Variants in LARP4B observed in about 807,000 individuals in gnomAD.
The protein encoded by LARP4B is La ribonucleoprotein 4B, also known as la-related protein 4B.
A neutral mutation model predicts 89.8 loss-of-function variants in LARP4B; 12 were observed. The observed-to-expected ratio is 0.13, with a 90% CI of 0.09 to 0.22. LARP4B has a LOEUF of 0.22. Ranked by LOEUF, LARP4B falls within the 10% of genes least tolerant of loss-of-function variation. LARP4B has a pLI of 1.00. For missense variants in LARP4B, 757 were observed against 947.7 expected (o/e 0.80, Z 2.64); for synonymous variants, 367 against 363.3 (o/e 1.01, Z -0.12).
At chr10:879,022 A>G (rs1172331788) in intron 3 of LARP4B, among the ~76,000 whole-genome samples, 2 of 152,236 alleles carry the variant, frequency 1.3e-5, no homozygotes, top group Non-Finnish European at 2.9e-5. Flanking sequence ...CTTCCACAAC[A>G]AGAGAAGTTT....
intron 1 of LARP4B, among the ~76,000 whole-genome samples, chr10:922,080 C>T (rs995809907): frequency 6.6e-6 from 1 of 151,844 alleles, no homozygotes; most frequent in African/African-American, 2.4e-5. Flanking sequence ...GCGGAGGGGT[C>T]AGGGGGTGGG....
intron 5 of LARP4B, among the ~76,000 whole-genome samples, chr10:847,964 AG>A (rs1206219357): frequency 1.1e-4 from 16 of 152,222 alleles, no homozygotes; most frequent in Admixed American, 3.9e-4. Flanking sequence ...AGAATGCAGG[AG>A]ATAGGGAGGC....
chr10:825,151 G>C lies in LARP4B; in HGVS notation c.1398C>G (p.Asn466Lys). The change falls in exon 13 of 18, where the codon AAC (asparagine) becomes AAG (lysine). Residue 466 changes from asparagine (N) to lysine (K), a missense_variant. Asn to Lys is a moderately conservative substitution (Grantham distance 94, BLOSUM62 0). Coordinates refer to ENST00000316157, the MANE Select transcript of LARP4B (RefSeq NM_015155.3). ...QAGQTRTRIQ[N>K]PSAYAKREAG... ...CCTCTCTCTTGGCATATGCTGAAGG[G>C]TTTTGAATCCGTGTTCTAGTTTGAC... 6.2e-7 allele frequency: 1 copy of C among 1,614,216 alleles called. No individual in the cohort carries two copies. The highest frequency in any genetic ancestry group is 8.5e-7 in the Non-Finnish European group (1 of 1,180,046).
At chr10:851,113 T>C (rs1834024565) in intron 5 of LARP4B, among the ~76,000 whole-genome samples, 1 of 146,622 alleles carries the variant, frequency 6.8e-6, no homozygotes, top group Non-Finnish European at 1.5e-5. Flanking sequence ...ATTACAAACA[T>C]CAGAAGAAAG....
rs1831759065 is a variant in LARP4B, at chr10:812,061, C to CA, written c.*864dup. 6.6e-6 allele frequency: 1 copy of CA among 152,640 alleles called. No individual in the cohort carries two copies. The highest frequency in any genetic ancestry group is 1.5e-5 in the Non-Finnish European group (1 of 68,078). The allele number at this position is 152,640 out of a possible 1,614,324, so 9.5% of individuals were successfully genotyped here. A position where few individuals can be genotyped will look rare whatever the true frequency, so the allele number is the denominator to read the frequency against. On this transcript the variant is annotated 3_prime_UTR_variant, in exon 18 of 18. Coordinates refer to ENST00000316157, the MANE Select transcript of LARP4B (RefSeq NM_015155.3). Reference sequence around the variant, plus strand: ...CGGAGCTGAAGATGTGGACTCTCTCCAACCAGAGTGCTGGGGAACACGGAC... The same window carrying CA: ...CGGAGCTGAAGATGTGGACTCTCTCCAAACCAGAGTGCTGGGGAACACGGAC...
chr10:981,654 T>C, the LARP4B span, among the ~76,000 whole-genome samples: 1 of 152,184 alleles, frequency 6.6e-6, no homozygotes, highest in African/African-American at 2.4e-5. Flanking sequence ...CACCGCAACC[T>C]CTGCTACCCA....
intron 3 of LARP4B, among the ~76,000 whole-genome samples, chr10:884,012 T>C (rs1241319405): frequency 6.6e-6 from 1 of 152,238 alleles, no homozygotes; most frequent in Admixed American, 6.5e-5. Flanking sequence ...TAAAAACCAA[T>C]GAATTCTACT....
At chr10:954,797 G>C in the LARP4B span, among the ~76,000 whole-genome samples, 358 of 98,260 alleles carry the variant, frequency 3.6e-3, no homozygotes, top group African/African-American at 8.6e-3. The surrounding 1 kb of genome is among the most constrained non-coding windows in gnomAD (Gnocchi z 5.0). Flanking sequence ...TCCCATCCAC[G>C]CTTCCCCAGG....
intron 5 of LARP4B, among the ~76,000 whole-genome samples, chr10:851,794 G>A (rs937215335): frequency 6.6e-6 from 1 of 152,078 alleles, no homozygotes; most frequent in East Asian, 1.9e-4. Context: ...GTGGGACGCA[G>A]TGGCTCATGC....
intron 1 of LARP4B, among the ~76,000 whole-genome samples, chr10:918,513 AGT>A (rs1250042678): frequency 6.6e-6 from 1 of 151,742 alleles, no homozygotes; most frequent in Non-Finnish European, 1.5e-5. Context: ...ACGTGCCTGT[AGT>A]CCCAGCTACT....
rs554996338 is a variant in LARP4B at position 889,340 on chromosome 10, C to T, written c.-39-3580G>A. On this transcript the variant is annotated intron_variant, in intron 1 of 17. Transcript: ENST00000316157. Reference sequence around the variant, plus strand: ...CAAGGAGCAAGGTGGGAACCATCCCCGAGAGGACACCATCCCATCACAGGG... The same window carrying T: ...CAAGGAGCAAGGTGGGAACCATCCCTGAGAGGACACCATCCCATCACAGGG... Among the ~76,000 whole-genome samples, 12 of 152,234 alleles carry T rather than the reference C, an allele frequency of 7.9e-5. No homozygotes were observed. The South Asian group carries it at 2.3e-3, about 29-fold the overall frequency.
At chr10:888,396 T>C (rs555828424) in intron 1 of LARP4B, among the ~76,000 whole-genome samples, 2 of 150,080 alleles carry the variant, frequency 1.3e-5, no homozygotes, top group South Asian at 4.2e-4. Context: ...ACAAAGTTAA[T>C]AGGACTCCAG....
At chr10:959,050 C>T in the LARP4B span, among the ~76,000 whole-genome samples, 1 of 152,132 alleles carries the variant, frequency 6.6e-6, no homozygotes, top group Non-Finnish European at 1.5e-5. Context: ...GGCAACGGCC[C>T]TGGGCTGGTG....
the LARP4B span, among the ~76,000 whole-genome samples, chr10:950,129 AC>A: frequency 6.6e-6 from 1 of 151,934 alleles, no homozygotes; most frequent in Non-Finnish European, 1.5e-5. Context: ...TATTTGAGGC[AC>A]TAATCTGTGT....
chr10:845,211 T>C (rs1353720746), intron 5 of LARP4B, among the ~76,000 whole-genome samples, 156 bp from the exon 6 acceptor site: 3 of 152,098 alleles, frequency 2.0e-5, no homozygotes, highest in Admixed American at 1.3e-4. Flanking sequence ...ATCAAAAAAG[T>C]AAATCATGCA....
In LARP4B at chr10:822,196, G is replaced by A. The variant is rs1832386856; in HGVS notation, c.1485-1351C>T. The stretch of plus-strand genomic sequence containing the variant: ...ATGAGCAGAGCTAGGGATGCAACCA[G>A]ATGAGAGTCTTCAGTGGGACAGGAC... On this transcript the variant is annotated intron_variant, in intron 13 of 17. Coordinates refer to ENST00000316157, the MANE Select transcript of LARP4B (RefSeq NM_015155.3). The surrounding 1 kb of genome is among the most constrained non-coding windows in gnomAD (Gnocchi z 4.6). Among the ~76,000 whole-genome samples, 1 of 152,382 alleles carries A rather than the reference G, an allele frequency of 6.6e-6. No individual in the cohort carries two copies. The highest frequency in any genetic ancestry group is 1.5e-5 in the Non-Finnish European group (1 of 68,036).
At chr10:936,830 A>G in the LARP4B span, among the ~76,000 whole-genome samples, 2 of 152,158 alleles carry the variant, frequency 1.3e-5, no homozygotes, top group African/African-American at 4.8e-5. Context: ...TAGAAACACA[A>G]TAAGGAACTG....
At chr10:834,989 G>A (rs1424627353) in intron 8 of LARP4B, among the ~76,000 whole-genome samples, 7 of 149,400 alleles carry the variant, frequency 4.7e-5, no homozygotes, top group African/African-American at 7.4e-5. Flanking sequence ...GCAGTGAGCC[G>A]AGATCGTGCC....
At position 809,711 on chromosome 10, in the gene LARP4B, T is replaced by C. The variant is rs1831673387; in HGVS notation, c.*3215A>G. ...ACGAAACCCTCGAGGAGCGACCACA[T>C]GACCCCCGCGCTGTGAGCTGCTGGC... On this transcript the variant is annotated 3_prime_UTR_variant, in exon 18 of 18. Transcript: ENST00000316157. The C allele has an allele frequency of 6.5e-6, 1 of 152,686 alleles. No individual in the cohort carries two copies. Among genetic ancestry groups the C allele is most frequent in the Non-Finnish European group, 1.5e-5 (1 of 68,044 alleles). The allele number at this position is 152,686 out of a possible 1,614,324, so 9.5% of individuals were successfully genotyped here.
Sources: allele counts gnomAD v4.1 joint callset (sites outside exome capture counted in the v4.1 genomes callset), GRCh38; gene constraint gnomAD v4.1.1; non-coding constraint Gnocchi (gnomAD v3.1); transcripts MANE v1.5; gene names NCBI Gene and HGNC (gene_info 2026-07-23, HGNC 2026-07-21).